The following SLC49A4 variants were observed in gnomAD, a reference collection of about 807,000 sequenced individuals.
The protein encoded by SLC49A4 is disrupted in renal cancer protein 2.
Under a neutral mutation model 50.6 loss-of-function variants are expected in SLC49A4, and 36 were observed. The observed-to-expected ratio is 0.71, with a 90% CI of 0.55 to 0.94. SLC49A4 has a LOEUF of 0.94. Among genes scored for constraint, SLC49A4 ranks in the 40% least tolerant of loss-of-function variants. SLC49A4 has a pLI of 0.00. For synonymous variants in SLC49A4, 248 were observed against 241.2 expected (o/e 1.03, Z -0.26); for missense variants, 503 against 605.7 (o/e 0.83, Z 1.78).
At chr3:122,828,365 G>A (rs1465992443) in intron 3 of SLC49A4, among the ~76,000 whole-genome samples, 1 of 152,188 alleles carries the variant, frequency 6.6e-6, no homozygotes, top group African/African-American at 2.4e-5. Context: ...AGAGCTTCCT[G>A]GAGATGCAGC....
intron 2 of SLC49A4, among the ~76,000 whole-genome samples, chr3:122,813,967 CT>C (rs1936332037): frequency 6.6e-6 from 1 of 152,080 alleles, no homozygotes; most frequent in Non-Finnish European, 1.5e-5. Context: ...AAAGACATTG[CT>C]TTATTTCCCA....
intron 4 of SLC49A4, among the ~76,000 whole-genome samples, chr3:122,839,326 G>A (rs895900951): frequency 6.6e-6 from 1 of 152,064 alleles, no homozygotes; most frequent in Non-Finnish European, 1.5e-5. Flanking sequence ...TCTGGACATT[G>A]GCCTAGGCAA....
Position 122,795,441 on chromosome 3 carries a change from C to T in SLC49A4, c.249C>T (p.Tyr83=), listed in dbSNP as rs1439262659. 4 of 1,607,594 alleles carry T rather than the reference C, an allele frequency of 2.5e-6. No individual in the cohort carries two copies. In the Admixed American group the frequency reaches 5.0e-5, roughly 20 times the overall value. Residue 83 remains tyrosine (Y), a synonymous_variant, in exon 1 of 9, where the codon TAC becomes TAT. Transcript: ENST00000261038. ...GPIQNSARQA[Y]GFSSWDIALL... ...TCCAGAACTCGGCGCGCCAGGCCTA[C>T]GGCTTCTCCAGCTGGGACATCGCGC... is the stretch of plus-strand genomic sequence containing the variant.
Position 122,848,431 on chromosome 3 carries a change from C to G in SLC49A4, c.942+2560C>G, listed in dbSNP as rs973271893. On this transcript the variant is annotated intron_variant, in intron 5 of 8. Coordinates refer to ENST00000261038, the MANE Select transcript of SLC49A4 (RefSeq NM_032839.3). Reference sequence around the variant, plus strand: ...GTTTTGATATTTAGTAAATTTCTCCCTTTATTAGGATTTCTGTTAGAGTTT... The same window carrying G: ...GTTTTGATATTTAGTAAATTTCTCCGTTTATTAGGATTTCTGTTAGAGTTT... Among the ~76,000 whole-genome samples the G allele has an allele frequency of 2.6e-5, 4 of 152,020 alleles. No homozygotes were observed. The East Asian group carries it at 7.7e-4, about 29-fold the overall frequency.
In SLC49A4 at chr3:122,797,340, G is replaced by A. The variant is rs1936057787; in HGVS notation, c.343+1805G>A. ...ATAAAGGGTATAAAAATCATGATGT[G>A]TAAAATGAAGGGAACTTGTGTGTAT... On this transcript the variant is annotated intron_variant, in intron 1 of 8. Coordinates refer to ENST00000261038, the MANE Select transcript of SLC49A4 (RefSeq NM_032839.3). Among the ~76,000 whole-genome samples, 4 of 152,228 alleles carry A rather than the reference G, an allele frequency of 2.6e-5. No individual in the cohort carries two copies. The South Asian group carries it at 8.3e-4, about 32-fold the overall frequency.
In SLC49A4 at chr3:122,880,175, A is replaced by G. The variant is rs1056254890; in HGVS notation, c.*797A>G. On this transcript the variant is annotated 3_prime_UTR_variant, in exon 9 of 9. Transcript: ENST00000261038. ...TGTTACAAGTGAAATGACAAGTCAC[A>G]TGGACATACTGTGTCTTCTGCCTGT... 1.3e-5 allele frequency: 2 copies of G among 152,248 alleles called. No individual in the cohort carries two copies. The highest frequency in any genetic ancestry group is 2.9e-5 in the Non-Finnish European group (2 of 68,046). 9.4% of individuals were successfully genotyped at this position (152,248 alleles called of 1,614,324 possible).
intron 8 of SLC49A4, among the ~76,000 whole-genome samples, chr3:122,878,184 C>T (rs1937288697): frequency 6.6e-6 from 1 of 152,096 alleles, no homozygotes; most frequent in Non-Finnish European, 1.5e-5. Context: ...GCAGTATTAG[C>T]ATTTTGTAGA....
intron 3 of SLC49A4, among the ~76,000 whole-genome samples, chr3:122,832,604 G>C (rs1016269982): frequency 1.3e-5 from 2 of 150,670 alleles, no homozygotes; most frequent in East Asian, 1.9e-4. Flanking sequence ...TTTCTTACCA[G>C]TTTTTTTTTC....
In SLC49A4 at chr3:122,867,597, G is replaced by A. The variant is rs147793981; in HGVS notation, c.1139-4818G>A. Among the ~76,000 whole-genome samples, 670 of 152,274 alleles carry A rather than the reference G, an allele frequency of 4.4e-3. 5 individuals carry two copies. The highest frequency in any genetic ancestry group is 7.5e-3 in the African/African-American group (311 of 41,554). On this transcript the variant is annotated intron_variant, in intron 7 of 8. Coordinates refer to ENST00000261038, the MANE Select transcript of SLC49A4 (RefSeq NM_032839.3). ...TTGTTATTGCTGTCTTGAGAATCTC[G>A]TTAGATGTTGATAGAATAGTTCTTA... is the stretch of plus-strand genomic sequence containing the variant.
intron 5 of SLC49A4, among the ~76,000 whole-genome samples, chr3:122,853,284 G>A (rs1936947417): frequency 6.6e-6 from 1 of 152,234 alleles, no homozygotes. Flanking sequence ...CTCTTAATAT[G>A]ATCACTTTAG....
intron 5 of SLC49A4, among the ~76,000 whole-genome samples, chr3:122,850,809 T>A (rs981715807): frequency 6.6e-6 from 1 of 152,174 alleles, no homozygotes; most frequent in Non-Finnish European, 1.5e-5. Flanking sequence ...TTAATTGGAG[T>A]ATTTAGTGCA....
At chr3:122,810,025 A>G (rs1185411954) in intron 2 of SLC49A4, among the ~76,000 whole-genome samples, 2 of 152,176 alleles carry the variant, frequency 1.3e-5, no homozygotes, top group East Asian at 1.9e-4. Context: ...TTCAGTCTCC[A>G]TCCGATGTTC....
At position 122,826,989 on chromosome 3, in the gene SLC49A4, TG is replaced by T; in HGVS notation, c.630del (p.Thr211HisfsTer18). The T allele has an allele frequency of 6.2e-7, 1 of 1,614,214 alleles. No homozygotes were observed. The highest frequency in any genetic ancestry group is 8.5e-7 in the Non-Finnish European group (1 of 1,180,032). ...VGPLVVPAPN[G>X]TSPLLAAESS... ...GACCACTTGTTGTTCCAGCTCCCAATGGGACATCACCTCTTCTTGCTGCAGA... is the reference window on the plus strand; with the variant it reads ...GACCACTTGTTGTTCCAGCTCCCAATGGACATCACCTCTTCTTGCTGCAGA... On this transcript the variant is annotated frameshift_variant, in exon 3 of 9. Transcript: ENST00000261038. LOFTEE classifies it high-confidence loss of function.
chr3:122,851,376 C>A (rs955406009), intron 5 of SLC49A4, among the ~76,000 whole-genome samples: 2 of 151,960 alleles, frequency 1.3e-5, no homozygotes, highest in African/African-American at 4.8e-5. Flanking sequence ...TTGTTTTGGT[C>A]TAAAAATGTC....
intron 5 of SLC49A4, among the ~76,000 whole-genome samples, chr3:122,850,198 A>G (rs1029345685): frequency 6.6e-6 from 1 of 151,950 alleles, no homozygotes; most frequent in African/African-American, 2.4e-5. Context: ...TCTCTAGCCA[A>G]CGACTGTTTG....
At chr3:122,841,134 A>G (rs1324352522) in intron 4 of SLC49A4, among the ~76,000 whole-genome samples, 3 of 152,222 alleles carry the variant, frequency 2.0e-5, no homozygotes, top group African/African-American at 7.2e-5. Flanking sequence ...TCAGGCAACT[A>G]ATTTTCTTGA....
Position 122,860,184 on chromosome 3 carries a change from C to G in SLC49A4, c.1120C>G (p.His374Asp). The G allele has an allele frequency of 6.2e-7, 1 of 1,605,688 alleles. No individual in the cohort carries two copies. Among genetic ancestry groups the G allele is most frequent in the East Asian group, 2.3e-5 (1 of 44,364 alleles). Reference sequence around the variant, plus strand: ...CCTGACCTGTTTGAACAGCATCACACACCTACCTTTAACCACAGGTGAGCA... The same window carrying G: ...CCTGACCTGTTTGAACAGCATCACAGACCTACCTTTAACCACAGGTGAGCA... ...FTLTCLNSIT[H>D]LPLTTVTLYA... Residue 374 changes from histidine to aspartate, a missense_variant, in exon 7 of 9, where the codon CAC becomes GAC. Transcript: ENST00000261038.
intron 1 of SLC49A4, among the ~76,000 whole-genome samples, chr3:122,804,708 C>T (rs959739999): frequency 2.6e-5 from 4 of 152,216 alleles, no homozygotes; most frequent in Admixed American, 6.5e-5. Context: ...TAATCTCAAA[C>T]TCCTGGCTTC....
At chr3:122,831,966 C>CA (rs564682072) in intron 3 of SLC49A4, among the ~76,000 whole-genome samples, 13,601 of 130,834 alleles carry the variant, frequency 0.1, 681 homozygotes, top group Middle Eastern at 0.21. Context: ...CTGAAAACAC[C>CA]AAAAAAAAAA....
Sources: gnomAD v4.1 joint callset for allele counts (sites outside exome capture counted in the v4.1 genomes callset) on GRCh38, gnomAD v4.1.1 for gene constraint, MANE v1.5 for transcripts, NCBI Gene and HGNC (gene_info 2026-07-23, HGNC 2026-07-21) for gene names.